Variants in SLC16A7 observed in about 807,000 individuals in gnomAD.
The protein encoded by SLC16A7 is monocarboxylate transporter 2.
SLC16A7 carries 33 observed loss-of-function variants against 34.9 expected under a neutral mutation model. That is an observed-to-expected ratio of 0.94 (90% CI 0.72 to 1.26). SLC16A7 has a LOEUF of 1.26. Among genes scored for constraint, SLC16A7 ranks in the 50% most tolerant of loss-of-function variants. The probability of loss-of-function intolerance (pLI) is 0.00; values close to 1 mark genes in which losing one functional copy is unlikely to be tolerated. For synonymous variants in SLC16A7, 201 were observed against 206.6 expected (o/e 0.97, Z 0.23); for missense variants, 573 against 578.1 (o/e 0.99, Z 0.09).
In SLC16A7 at chr12:59,743,276, G is replaced by A. The variant is rs553787973; in HGVS notation, c.218-27943G>A. ...TTATTTACCTATAAATCAAAACATC[G>A]TTTTTCTACATTAATATTTTTGGAC... On this transcript the variant is annotated intron_variant, in intron 3 of 5. Transcript: ENST00000547379. Among the ~76,000 whole-genome samples, 8 of 152,118 alleles carry A rather than the reference G, an allele frequency of 5.3e-5. No homozygotes were observed. In the South Asian group the frequency reaches 1.2e-3, roughly 24 times the overall value.
intron 2 of SLC16A7, among the ~76,000 whole-genome samples, chr12:59,702,657 C>T (rs1197910633): frequency 6.6e-6 from 1 of 152,060 alleles, no homozygotes; most frequent in East Asian, 1.9e-4. Context: ...AGGCTTCTAA[C>T]ATACAAATGT....
intron 1 of SLC16A7, among the ~76,000 whole-genome samples, chr12:59,600,252 C>T (rs541113312): frequency 1.3e-5 from 2 of 152,248 alleles, no homozygotes; most frequent in East Asian, 3.9e-4. Flanking sequence ...GCATCACTGG[C>T]TTATTTTTAA....
chr12:59,766,686 T>G (rs1489814753), intron 3 of SLC16A7, among the ~76,000 whole-genome samples: 1 of 152,214 alleles, frequency 6.6e-6, no homozygotes, highest in Non-Finnish European at 1.5e-5. Context: ...GAAGCCCACT[T>G]GATCATGGTG....
intron 3 of SLC16A7, among the ~76,000 whole-genome samples, chr12:59,764,871 T>A (rs1357246153): frequency 6.6e-6 from 1 of 152,178 alleles, no homozygotes; most frequent in Non-Finnish European, 1.5e-5. Flanking sequence ...CTGGGTCAAA[T>A]GGTATTTCTA....
intron 3 of SLC16A7, among the ~76,000 whole-genome samples, chr12:59,707,319 T>G (rs1388141701): frequency 6.6e-6 from 1 of 152,016 alleles, no homozygotes; most frequent in Admixed American, 6.6e-5. Context: ...TATTCTCCAT[T>G]GAACAAAAGA....
chr12:59,723,408 G>A (rs1416791172), intron 3 of SLC16A7, among the ~76,000 whole-genome samples: 1 of 151,848 alleles, frequency 6.6e-6, no homozygotes, highest in Non-Finnish European at 1.5e-5. Flanking sequence ...CAAAGATGTA[G>A]TGCTAACAAA....
intron 1 of SLC16A7, among the ~76,000 whole-genome samples, chr12:59,645,217 A>G (rs1880855250): frequency 6.6e-6 from 1 of 152,168 alleles, no homozygotes; most frequent in Non-Finnish European, 1.5e-5. Flanking sequence ...AAATTAGTTC[A>G]GTTTTATTAT....
At chr12:59,760,593 C>G (rs1370448742) in intron 3 of SLC16A7, among the ~76,000 whole-genome samples, 2 of 152,030 alleles carry the variant, frequency 1.3e-5, no homozygotes, top group Non-Finnish European at 2.9e-5. Flanking sequence ...TTCTTATTCT[C>G]AAAAGATCTT....
intron 2 of SLC16A7, among the ~76,000 whole-genome samples, chr12:59,684,905 C>T (rs1871034808): frequency 1.3e-5 from 2 of 152,064 alleles, no homozygotes; most frequent in South Asian, 4.1e-4. Context: ...GAAAAATGGA[C>T]ACAATGAGTA....
At chr12:59,685,069 G>A (rs541042958) in intron 2 of SLC16A7, among the ~76,000 whole-genome samples, 113 of 152,242 alleles carry the variant, frequency 7.4e-4, no homozygotes, top group African/African-American at 2.3e-3. Flanking sequence ...AAGAAAAAGA[G>A]AAGTTTTTCT....
chr12:59,728,286 G>A (rs1160632111), intron 3 of SLC16A7, among the ~76,000 whole-genome samples: 1 of 152,136 alleles, frequency 6.6e-6, no homozygotes, highest in African/African-American at 2.4e-5. Context: ...AATTCTCTGA[G>A]TTCAAACACT....
At chr12:59,653,878 T>A (rs989266516) in intron 1 of SLC16A7, among the ~76,000 whole-genome samples, 1 of 151,674 alleles carries the variant, frequency 6.6e-6, no homozygotes, top group Non-Finnish European at 1.5e-5. Flanking sequence ...GTGATTTTTT[T>A]ATATTTTAAA....
chr12:59,598,510 G>T (rs545097566), intron 1 of SLC16A7, among the ~76,000 whole-genome samples: 48 of 152,030 alleles, frequency 3.2e-4, no homozygotes, highest in African/African-American at 9.6e-4. Context: ...TCCTCTTGAT[G>T]GAAGAAACAT....
rs1387513912 is a variant in SLC16A7, at chr12:59,781,311, C to G, written c.*1632C>G. ...TGATTAATTTAAAAAGTATTTAGTG[C>G]TTGACAAAGTAGTGTCACTCTTAAG... On this transcript the variant is annotated 3_prime_UTR_variant, in exon 6 of 6. Coordinates refer to ENST00000547379, the MANE Select transcript of SLC16A7 (RefSeq NM_001270623.2). 2.6e-5 allele frequency: 4 copies of G among 152,408 alleles called. No homozygotes were observed. The highest frequency in any genetic ancestry group is 5.9e-5 in the Non-Finnish European group (4 of 67,986). 9.4% of individuals were successfully genotyped at this position (152,408 alleles called of 1,614,324 possible).
intron 1 of SLC16A7, among the ~76,000 whole-genome samples, chr12:59,643,876 T>C (rs1161550639): frequency 1.3e-5 from 2 of 152,150 alleles, no homozygotes; most frequent in Non-Finnish European, 2.9e-5. Flanking sequence ...GTCACATCGG[T>C]ATTTCAGTTT....
At chr12:59,736,101 A>C (rs960420827) in intron 3 of SLC16A7, 4 of 195,790 alleles carry the variant, frequency 2.0e-5, no homozygotes, top group African/African-American at 9.4e-5. Flanking sequence ...ATATCTGAGA[A>C]TAAAAGGTAT....
intron 1 of SLC16A7, among the ~76,000 whole-genome samples, chr12:59,614,817 T>C (rs1467457321): frequency 9.0e-6 from 1 of 111,112 alleles, no homozygotes; most frequent in Non-Finnish European, 1.8e-5. Context: ...TCAAACCCCA[T>C]TCCTACTAAA....
chr12:59,727,162 A>AT (rs1592585806), intron 3 of SLC16A7, among the ~76,000 whole-genome samples: 4 of 143,832 alleles, frequency 2.8e-5, no homozygotes, highest in South Asian at 2.2e-4. Context: ...ATATATATAT[A>AT]TATATATAAT....
At chr12:59,642,712 TA>T (rs1337718518) in intron 1 of SLC16A7, among the ~76,000 whole-genome samples, 1 of 152,150 alleles carries the variant, frequency 6.6e-6, no homozygotes, top group East Asian at 1.9e-4. Context: ...GAATGGGCAA[TA>T]ATGAAATAAA....
Sources: gnomAD v4.1 joint callset for allele counts (sites outside exome capture counted in the v4.1 genomes callset) on GRCh38, gnomAD v4.1.1 for gene constraint, MANE v1.5 for transcripts, NCBI Gene and HGNC (gene_info 2026-07-23, HGNC 2026-07-21) for gene names.